The following MLIP variants were observed in gnomAD, a reference collection of about 807,000 sequenced individuals.
MLIP encodes the protein muscular LMNA-interacting protein.
A neutral mutation model predicts 84.8 loss-of-function variants in MLIP; 79 were observed. The ratio of observed to expected loss-of-function variants is 0.93; its 90% CI spans 0.78 to 1.12. The LOEUF (loss-of-function observed/expected upper bound fraction) is 1.12, where lower values mean the gene tolerates loss of function less well. MLIP is among the 50% of genes most tolerant of loss of function. The pLI is 0.00. For synonymous variants in MLIP, 504 were observed against 463.0 expected (o/e 1.09, Z -1.14); for missense variants, 1,257 against 1,160.6 (o/e 1.08, Z -1.21).
intron 13 of MLIP, among the ~76,000 whole-genome samples, chr6:54,263,117 C>A (rs1358820464): frequency 1.3e-5 from 2 of 151,948 alleles, no homozygotes; most frequent in African/African-American, 4.8e-5. Flanking sequence ...TAAAAGGACC[C>A]ACAACTCCTC....
At chr6:54,215,249 T>C in intron 11 of MLIP, 1 of 1,503,516 alleles carries the variant, frequency 6.7e-7, no homozygotes, top group Non-Finnish European at 8.8e-7. Flanking sequence ...AGCCTTTGAC[T>C]TTCCTACTTC....
chr6:54,254,744 CT>C (rs1782879304), intron 12 of MLIP, among the ~76,000 whole-genome samples: 89 of 134,820 alleles, frequency 6.6e-4, no homozygotes, highest in African/African-American at 2.1e-3. Context: ...TTCTCCCTCC[CT>C]TCCTTCCTTC....
intron 9 of MLIP, among the ~76,000 whole-genome samples, chr6:54,183,996 G>C (rs918836535): frequency 6.6e-6 from 1 of 151,704 alleles, no homozygotes; most frequent in Non-Finnish European, 1.5e-5. Context: ...ACACTCTCCA[G>C]GTTAAGAGTA....
intron 1 of MLIP, among the ~76,000 whole-genome samples, chr6:54,022,942 C>T (rs1408672084): frequency 1.3e-5 from 2 of 151,808 alleles, no homozygotes; most frequent in African/African-American, 2.4e-5. Context: ...CCGAGGTGGG[C>T]GGATCACGAG....
chr6:54,239,695 G>C (rs2150831957), intron 12 of MLIP, among the ~76,000 whole-genome samples: 1 of 151,846 alleles, frequency 6.6e-6, no homozygotes, highest in East Asian at 1.9e-4. Context: ...GCTGAGGCAG[G>C]AGAATCACTT....
At chr6:54,231,195 C>T (rs1780977411) in intron 12 of MLIP, among the ~76,000 whole-genome samples, 1 of 152,002 alleles carries the variant, frequency 6.6e-6, no homozygotes, top group South Asian at 2.1e-4. Flanking sequence ...GGTGGAAATT[C>T]CAAGACATTT....
intron 11 of MLIP, chr6:54,217,522 T>C (rs1779934266): frequency 1.0e-6 from 1 of 985,226 alleles, no homozygotes; most frequent in Non-Finnish European, 1.2e-6. Context: ...TGCATATTTG[T>C]CTGCTAATTT....
chr6:54,127,925 A>G (rs567024963), intron 3 of MLIP, among the ~76,000 whole-genome samples: 2 of 152,312 alleles, frequency 1.3e-5, no homozygotes, highest in South Asian at 2.1e-4. Context: ...TTCTAGGGGT[A>G]GTATTAGAGT....
intron 11 of MLIP, among the ~76,000 whole-genome samples, chr6:54,224,827 A>G (rs1247238304): frequency 6.6e-6 from 1 of 152,122 alleles, no homozygotes; most frequent in Non-Finnish European, 1.5e-5. Context: ...CACTGAGAAC[A>G]TACGATGTTT....
At chr6:54,178,172 T>A (rs1288377659) in intron 9 of MLIP, among the ~76,000 whole-genome samples, 1 of 152,054 alleles carries the variant, frequency 6.6e-6, no homozygotes, top group Non-Finnish European at 1.5e-5. Flanking sequence ...GGAACTAATC[T>A]GCATGTCCTG....
At chr6:54,251,034 T>C (rs769901095) in intron 12 of MLIP, among the ~76,000 whole-genome samples, 2 of 152,064 alleles carry the variant, frequency 1.3e-5, no homozygotes, top group African/African-American at 4.8e-5. Flanking sequence ...GATTGTTATA[T>C]CCTTAACATC....
chr6:54,258,095 A>AG (rs2150896499), intron 13 of MLIP, among the ~76,000 whole-genome samples: 1 of 152,226 alleles, frequency 6.6e-6, no homozygotes, highest in South Asian at 2.1e-4. Flanking sequence ...GGAAAATAGG[A>AG]GAAAAAAAGT....
intron 4 of MLIP, among the ~76,000 whole-genome samples, chr6:54,145,977 C>A (rs1772790776): frequency 6.6e-6 from 1 of 152,058 alleles, no homozygotes; most frequent in Non-Finnish European, 1.5e-5. Flanking sequence ...CAAAATGTTT[C>A]ATGAAATAAT....
intron 3 of MLIP, among the ~76,000 whole-genome samples, chr6:54,132,917 T>C (rs1771505514): frequency 2.0e-5 from 3 of 152,184 alleles, no homozygotes; most frequent in Admixed American, 2.0e-4. Context: ...ATTTTCTTTT[T>C]CTTATAGCAA....
chr6:54,050,419 T>A (rs923811654), intron 1 of MLIP, among the ~76,000 whole-genome samples: 1 of 152,180 alleles, frequency 6.6e-6, no homozygotes, highest in Non-Finnish European at 1.5e-5. Context: ...GAATTCATTC[T>A]GCATATAGTG....
intron 10 of MLIP, among the ~76,000 whole-genome samples, chr6:54,200,118 T>C (rs533048564): frequency 4.9e-4 from 74 of 152,208 alleles, no homozygotes; most frequent in African/African-American, 1.6e-3. Flanking sequence ...GTATCTGATA[T>C]CCAACCAACC....
chr6:54,067,350 G>T (rs1275800805), intron 1 of MLIP, among the ~76,000 whole-genome samples: 2 of 101,038 alleles, frequency 2.0e-5, no homozygotes, highest in African/African-American at 5.1e-5. Context: ...TTTGATAGTT[G>T]CCATTAATTA....
intron 1 of MLIP, among the ~76,000 whole-genome samples, chr6:54,035,885 T>C (rs144182445): frequency 1.3e-3 from 194 of 152,200 alleles, no homozygotes; most frequent in Non-Finnish European, 1.8e-3. Flanking sequence ...TTGTTGGATA[T>C]GTGGTTCGCA....
intron 11 of MLIP, among the ~76,000 whole-genome samples, chr6:54,204,872 A>G (rs1778930234): frequency 6.6e-6 from 1 of 152,234 alleles, no homozygotes; most frequent in African/African-American, 2.4e-5. Flanking sequence ...CTTTCAACCA[A>G]TTTATCCTCA....
Sources: gnomAD v4.1 joint callset for allele counts (sites outside exome capture counted in the v4.1 genomes callset) on GRCh38, gnomAD v4.1.1 for gene constraint, MANE v1.5 for transcripts, NCBI Gene and HGNC (gene_info 2026-07-23, HGNC 2026-07-21) for gene names.